Variants in ANKS1B observed in about 807,000 individuals in gnomAD.
The protein encoded by ANKS1B is ankyrin repeat and sterile alpha motif domain-containing protein 1B.
Under a neutral mutation model 148.3 loss-of-function variants are expected in ANKS1B, and 36 were observed. The ratio of observed to expected loss-of-function variants is 0.24; its 90% CI spans 0.19 to 0.32. The LOEUF (loss-of-function observed/expected upper bound fraction) is 0.32, where lower values mean the gene tolerates loss of function less well. ANKS1B is among the 10% of genes least tolerant of loss of function. ANKS1B has a pLI of 1.00. For missense variants in ANKS1B, 1,157 were observed against 1,542.6 expected (o/e 0.75, Z 4.19); for synonymous variants, 542 against 560.8 (o/e 0.97, Z 0.47).
chr12:98,765,648 C>T (rs559245719), intron 25 of ANKS1B, among the ~76,000 whole-genome samples: 1 of 151,834 alleles, frequency 6.6e-6, no homozygotes, highest in Admixed American at 6.6e-5. Flanking sequence ...TCACTGTAAC[C>T]TCCGCCTCCC....
At chr12:99,323,285 C>T (rs572935598) in intron 12 of ANKS1B, among the ~76,000 whole-genome samples, 2 of 152,304 alleles carry the variant, frequency 1.3e-5, no homozygotes, top group East Asian at 1.9e-4. Flanking sequence ...TCCATTACAA[C>T]GGAGTTCCTT....
chr12:99,117,473 G>A lies in ANKS1B; in HGVS notation c.2527-32450C>T, dbSNP rs189269942. Among the ~76,000 whole-genome samples, 890 of 152,240 alleles carry A rather than the reference G, an allele frequency of 5.8e-3. 2 individuals are homozygous for A. Among genetic ancestry groups the A allele is most frequent in the Non-Finnish European group, 8.3e-3 (567 of 68,010 alleles). The stretch of plus-strand genomic sequence containing the variant: ...AGATAATCATATGGTTTTTGTCATT[G>A]GTTCTGTTTATGTGATGGATTATGT... On this transcript the variant is annotated intron_variant, in intron 15 of 26. Coordinates refer to ENST00000683438, the MANE Select transcript of ANKS1B (RefSeq NM_001352186.2).
rs540632230 is a variant in ANKS1B, at chr12:99,193,506, A to AT, written c.2420-39112dup. Among the ~76,000 whole-genome samples, 122 of 152,190 alleles carry AT rather than the reference A, an allele frequency of 8.0e-4. 2 individuals carry two copies. Among genetic ancestry groups the AT allele is most frequent in the Non-Finnish European group, 1.4e-3 (97 of 67,994 alleles). On this transcript the variant is annotated intron_variant, in intron 14 of 26. Coordinates refer to ENST00000683438, the MANE Select transcript of ANKS1B (RefSeq NM_001352186.2). ...CATTAAACTTAAGTATAAAAATACA[A>AT]TTTTTTCTGGTTCTTTGGGTCTTCA...
chr12:99,083,590 T>C (rs1167083052), intron 16 of ANKS1B, among the ~76,000 whole-genome samples: 1 of 152,210 alleles, frequency 6.6e-6, no homozygotes, highest in Non-Finnish European at 1.5e-5. Flanking sequence ...TTCTTCCTCT[T>C]TTTAAAATTA....
chr12:99,804,612 T>C (rs1489576076), intron 4 of ANKS1B, among the ~76,000 whole-genome samples: 1 of 152,178 alleles, frequency 6.6e-6, no homozygotes, highest in African/African-American at 2.4e-5. Flanking sequence ...CTAGGAAATA[T>C]AACCCCATCT....
intron 17 of ANKS1B, chr12:98,894,486 GC>G: frequency 1.2e-6 from 1 of 817,528 alleles, no homozygotes; most frequent in Non-Finnish European, 1.5e-6. Context: ...TGCAACACCT[GC>G]CCCGGCAAAG....
chr12:98,774,328 C>T lies in ANKS1B; in HGVS notation c.3442-1149G>A, dbSNP rs1419772118. Among the ~76,000 whole-genome samples, 5 of 152,298 alleles carry T rather than the reference C, an allele frequency of 3.3e-5. No individual in the cohort carries two copies. In the East Asian group the frequency reaches 5.8e-4, roughly 18 times the overall value. On this transcript the variant is annotated intron_variant, in intron 24 of 26. Transcript: ENST00000683438. ...ATTGCAATGCCCTTCAACGTCTCCA[C>T]CTCCCTCTTACTGGCTTAACAAGAA...
intron 11 of ANKS1B, among the ~76,000 whole-genome samples, chr12:99,414,795 G>A (rs368431026): frequency 1.1e-3 from 165 of 152,278 alleles, no homozygotes; most frequent in African/African-American, 2.5e-3. Context: ...ACAAACCTGC[G>A]CGTTCTGCAC....
chr12:99,202,969 G>A (rs1442610667), intron 14 of ANKS1B, among the ~76,000 whole-genome samples: 1 of 152,164 alleles, frequency 6.6e-6, no homozygotes, highest in Non-Finnish European at 1.5e-5. Context: ...CTTCTCAAGA[G>A]TTCCAAGACT....
intron 1 of ANKS1B, among the ~76,000 whole-genome samples, chr12:99,978,356 A>C (rs10778035): frequency 0.17 from 26,550 of 152,094 alleles, 2,826 homozygotes; most frequent in Non-Finnish European, 0.23. Flanking sequence ...GGGAGCTGAA[A>C]ACCCTGCTCA....
intron 1 of ANKS1B, among the ~76,000 whole-genome samples, chr12:99,899,426 T>C (rs935753848): frequency 2.0e-5 from 3 of 152,212 alleles, no homozygotes; most frequent in African/African-American, 7.2e-5. Flanking sequence ...AATAGAAATC[T>C]AATACGTATT....
At chr12:98,765,106 A>T (rs1392714779) in intron 25 of ANKS1B, among the ~76,000 whole-genome samples, 1 of 152,206 alleles carries the variant, frequency 6.6e-6, no homozygotes, top group Non-Finnish European at 1.5e-5. Context: ...CATCACTATT[A>T]ACTGCTTCTG....
intron 8 of ANKS1B, among the ~76,000 whole-genome samples, chr12:99,719,428 C>T (rs1006089647): frequency 6.6e-6 from 1 of 152,110 alleles, no homozygotes; most frequent in East Asian, 1.9e-4. Flanking sequence ...ACATTCACTC[C>T]ATTTTCCCAT....
rs181318740 is a variant in ANKS1B at position 99,710,253 on chromosome 12, T to C, written c.1129-55043A>G. Among the ~76,000 whole-genome samples the C allele has an allele frequency of 7.9e-5, 12 of 152,270 alleles. 1 individual carries two copies. The East Asian group carries it at 2.1e-3, about 27-fold the overall frequency. ...CCTCTTGACTTTAAACCATTAATCT[T>C]TGTCAATAATGGGATATTCATTTGC... On this transcript the variant is annotated intron_variant, in intron 8 of 26. Coordinates refer to ENST00000683438, the MANE Select transcript of ANKS1B (RefSeq NM_001352186.2).
chr12:99,556,993 A>T (rs1483474152), intron 9 of ANKS1B, among the ~76,000 whole-genome samples: 1 of 152,188 alleles, frequency 6.6e-6, no homozygotes, highest in East Asian at 1.9e-4. Flanking sequence ...GGTCCCAAAT[A>T]TCTTTGTTAG....
At chr12:99,171,721 C>G (rs1024092112) in intron 14 of ANKS1B, among the ~76,000 whole-genome samples, 2 of 152,132 alleles carry the variant, frequency 1.3e-5, no homozygotes, top group African/African-American at 4.8e-5. Flanking sequence ...TATATATAGG[C>G]CATACCTGAT....
chr12:99,696,948 A>T (rs1427637414), intron 8 of ANKS1B, among the ~76,000 whole-genome samples: 1 of 152,244 alleles, frequency 6.6e-6, no homozygotes, highest in East Asian at 1.9e-4. Flanking sequence ...ACCAAAGAAG[A>T]TATACAGATG....
intron 16 of ANKS1B, among the ~76,000 whole-genome samples, chr12:99,078,975 G>A (rs2048762279): frequency 6.6e-6 from 1 of 152,188 alleles, no homozygotes; most frequent in East Asian, 1.9e-4. Context: ...TGCATGTTGT[G>A]AGATGCTCTA....
At chr12:99,372,926 T>C (rs1430025705) in intron 12 of ANKS1B, among the ~76,000 whole-genome samples, 1 of 152,174 alleles carries the variant, frequency 6.6e-6, no homozygotes, top group Admixed American at 6.6e-5. Context: ...TTTCCCTGCC[T>C]TAATTCCCTA....
Sources: gnomAD v4.1 joint callset for allele counts (sites outside exome capture counted in the v4.1 genomes callset) on GRCh38, gnomAD v4.1.1 for gene constraint, MANE v1.5 for transcripts, NCBI Gene and HGNC (gene_info 2026-07-23, HGNC 2026-07-21) for gene names.